The following SUCLG2 variants were observed in gnomAD, a reference collection of about 807,000 sequenced individuals.
SUCLG2 encodes succinate-CoA ligase GDP-forming subunit beta.
Under a neutral mutation model 47.9 loss-of-function variants are expected in SUCLG2, and 42 were observed. The observed-to-expected ratio is 0.88, with a 90% CI of 0.69 to 1.14. The LOEUF is 1.14. Ranked by LOEUF, SUCLG2 falls within the 50% of genes most tolerant of loss-of-function variation. SUCLG2 has a pLI of 0.00. For synonymous variants in SUCLG2, 195 were observed against 197.3 expected (o/e 0.99, Z 0.10); for missense variants, 571 against 525.9 (o/e 1.09, Z -0.84).
intron 9 of SUCLG2, among the ~76,000 whole-genome samples, chr3:67,463,819 G>A (rs1385875502): frequency 6.6e-6 from 1 of 152,178 alleles, no homozygotes; most frequent in Non-Finnish European, 1.5e-5. Context: ...GAAAGAAAGT[G>A]TCATCCTGTG....
chr3:67,387,344 T>A lies in SUCLG2; in HGVS notation c.1184-11485A>T, dbSNP rs182681802. Among the ~76,000 whole-genome samples the A allele has an allele frequency of 1.5e-3, 226 of 152,332 alleles. 9 individuals carry two copies. In the South Asian group the frequency reaches 0.045, roughly 30 times the overall value. On this transcript the variant is annotated intron_variant, in intron 10 of 10. Transcript: ENST00000307227. ...CAGACTGTTTTCAGGGTCAAAGTGA[T>A]CAGAGACCCTCAGATTTTAAGAGTC...
intron 10 of SUCLG2, among the ~76,000 whole-genome samples, chr3:67,397,679 C>T (rs1369106275): frequency 6.6e-6 from 1 of 152,080 alleles, no homozygotes; most frequent in South Asian, 2.1e-4. Flanking sequence ...CTTTAAAGTT[C>T]ATATGGAACC....
At chr3:67,607,632 T>C (rs1290141576) in intron 2 of SUCLG2, among the ~76,000 whole-genome samples, 2 of 152,152 alleles carry the variant, frequency 1.3e-5, no homozygotes, top group Admixed American at 6.5e-5. Context: ...CTAGATGTTC[T>C]ACCACACAAC....
intron 2 of SUCLG2, among the ~76,000 whole-genome samples, chr3:67,604,088 A>G (rs1239043443): frequency 6.6e-6 from 1 of 152,208 alleles, no homozygotes; most frequent in Non-Finnish European, 1.5e-5. Context: ...TCAGACATAA[A>G]TCCATTTTCT....
At chr3:67,654,417 C>T in intron 1 of SUCLG2, 86 bp downstream of exon 1, 1 of 1,101,908 alleles carries the variant, frequency 9.1e-7, no homozygotes, top group South Asian at 4.6e-5. Context: ...GGGGGTCAGG[C>T]GGAGACCAAG....
At chr3:67,372,175 C>T (rs1701964244), downstream of SUCLG2, among the ~76,000 whole-genome samples, 1 of 152,144 alleles carries the variant, frequency 6.6e-6, no homozygotes, top group South Asian at 2.1e-4. Context: ...ATATGTTGGA[C>T]GGCACTGATA....
At chr3:67,454,773 T>A (rs937153607) in intron 9 of SUCLG2, among the ~76,000 whole-genome samples, 4 of 152,020 alleles carry the variant, frequency 2.6e-5, no homozygotes, top group Non-Finnish European at 4.4e-5. Context: ...CCATCCTGGC[T>A]AACAAAGTGA....
At chr3:67,488,599 A>T (rs555898074) in intron 9 of SUCLG2, among the ~76,000 whole-genome samples, 3 of 152,330 alleles carry the variant, frequency 2.0e-5, no homozygotes, top group Admixed American at 2.0e-4. Flanking sequence ...CTAATAGTAC[A>T]ACTTTCAGAT....
rs1263630833 is a variant in SUCLG2 at position 67,520,492 on chromosome 3, A to G, written c.560T>C (p.Leu187Pro). 6 of 1,613,938 alleles carry G rather than the reference A, an allele frequency of 3.7e-6. No homozygotes were observed. Among genetic ancestry groups the G allele is most frequent in the Non-Finnish European group, 4.2e-6 (5 of 1,179,942 alleles). Residue 187 changes from leucine (L) to proline (P), a missense_variant, in exon 5 of 11, where the codon CTC becomes CCC. Leu to Pro is a moderately conservative substitution (Grantham distance 98, BLOSUM62 -3). Transcript: ENST00000307227. Reference protein sequence around the residue: ...IEEVAASNPELIFKEQIDIFE... With the variant: ...IEEVAASNPEPIFKEQIDIFE... ...GGAATTTAAACATACCTTAAAAATG[A>G]GCTCCGGGTTTGAAGCAGCCACCTC...
chr3:67,360,852 C>T, intron 10 of SUCLG2: 3 of 1,070,414 alleles, frequency 2.8e-6, no homozygotes, highest in Admixed American at 3.0e-5. Flanking sequence ...TTCCTAAGAT[C>T]CTGTTACTCC....
At chr3:67,393,001 C>G (rs1702426729) in intron 10 of SUCLG2, among the ~76,000 whole-genome samples, 1 of 151,784 alleles carries the variant, frequency 6.6e-6, no homozygotes, top group South Asian at 2.1e-4. Context: ...TTTTTACTAC[C>G]ACATACTCAC....
chr3:67,428,402 T>C (rs1298199629), intron 9 of SUCLG2, among the ~76,000 whole-genome samples: 2 of 152,020 alleles, frequency 1.3e-5, no homozygotes, highest in Non-Finnish European at 2.9e-5. Flanking sequence ...GAAGGAAAAC[T>C]AACAAACAGA....
chr3:67,506,730 G>A (rs1705647931), intron 7 of SUCLG2, among the ~76,000 whole-genome samples: 2 of 152,166 alleles, frequency 1.3e-5, no homozygotes, highest in African/African-American at 4.8e-5. Context: ...GTGTATACTA[G>A]TTGAAAAAGC....
At chr3:67,449,727 G>A (rs546702724) in intron 9 of SUCLG2, among the ~76,000 whole-genome samples, 3 of 151,798 alleles carry the variant, frequency 2.0e-5, no homozygotes, top group Admixed American at 6.6e-5. Flanking sequence ...CAATCCTCAC[G>A]CTCAGCCCCC....
At chr3:67,517,589 G>T (rs1428749118) in intron 6 of SUCLG2, among the ~76,000 whole-genome samples, 1 of 152,128 alleles carries the variant, frequency 6.6e-6, no homozygotes, top group African/African-American at 2.4e-5. Context: ...AGCAGGGGAC[G>T]ATACTAAGAC....
At chr3:67,508,709 T>TTA (rs1239894491) in intron 7 of SUCLG2, 98 bp downstream of exon 7, 4 of 902,438 alleles carry the variant, frequency 4.4e-6, no homozygotes, top group Non-Finnish European at 6.6e-6. Context: ...TGAAAGAAAT[T>TTA]TATGCAAAGC....
chr3:67,443,702 C>T (rs1282614525), intron 9 of SUCLG2, among the ~76,000 whole-genome samples: 15 of 90,014 alleles, frequency 1.7e-4, no homozygotes, highest in African/African-American at 1.5e-4. Flanking sequence ...TCTGCCCCGC[C>T]GCCCCATCTG....
rs192900352 is a variant in SUCLG2, at chr3:67,482,630, G to C, written c.1062+13168C>G. Among the ~76,000 whole-genome samples, 38 of 152,280 alleles carry C rather than the reference G, an allele frequency of 2.5e-4. No homozygotes were observed. In the East Asian group the frequency reaches 7.0e-3, roughly 28 times the overall value. ...TCATGAAATGCAACTACTGATCACA[G>C]GTTATAAAACACAGAAAATATCAGA... On this transcript the variant is annotated intron_variant, in intron 9 of 10. Coordinates refer to ENST00000307227, the MANE Select transcript of SUCLG2 (RefSeq NM_003848.4).
At chr3:67,461,783 G>A (rs1704342544) in intron 9 of SUCLG2, among the ~76,000 whole-genome samples, 1 of 152,068 alleles carries the variant, frequency 6.6e-6, no homozygotes, top group Non-Finnish European at 1.5e-5. Flanking sequence ...ATGGCCCCCA[G>A]CTGAGAACAG....
Sources: gnomAD v4.1 joint callset for allele counts (sites outside exome capture counted in the v4.1 genomes callset) on GRCh38, gnomAD v4.1.1 for gene constraint, MANE v1.5 for transcripts, NCBI Gene and HGNC (gene_info 2026-07-23, HGNC 2026-07-21) for gene names.